Variants in LRRC9 observed in about 807,000 individuals in gnomAD.
LRRC9 encodes leucine-rich repeat-containing protein 9.
Under a neutral mutation model 63.2 loss-of-function variants are expected in LRRC9, and 122 were observed. That is an observed-to-expected ratio of 1.93 (90% CI 1.67 to 2.24). The LOEUF (loss-of-function observed/expected upper bound fraction) is 2.24. Ranked by LOEUF, LRRC9 falls within the 30% of genes most tolerant of loss-of-function variation. The pLI, the probability that LRRC9 is intolerant of heterozygous loss-of-function variation, is 0.00. For synonymous variants in LRRC9, 366 were observed against 213.1 expected, an observed-to-expected ratio of 1.72 and a Z score of -6.25; for missense variants, 1,071 against 627.7, an observed-to-expected ratio of 1.71 and a Z score of -7.55.
At chr14:59,975,096 TATATAC>T (rs1252503336) in intron 13 of LRRC9, among the ~76,000 whole-genome samples, 1 of 23,864 alleles carries the variant, frequency 4.2e-5, no homozygotes, top group African/African-American at 8.0e-5. Flanking sequence ...AGTGTATATA[TATATAC>T]ATATATATAT....
intron 28 of LRRC9, among the ~76,000 whole-genome samples, chr14:60,028,618 A>G (rs1891740029): frequency 1.3e-5 from 2 of 152,122 alleles, no homozygotes; most frequent in South Asian, 4.1e-4. Flanking sequence ...CACTGCCCCA[A>G]CTGAACTGCT....
At chr14:59,928,234 T>C (rs1361749930) in intron 2 of LRRC9, 34 bp from the exon 3 acceptor site, 9 of 566,370 alleles carry the variant, frequency 1.6e-5, no homozygotes, top group Admixed American at 3.5e-5. Flanking sequence ...TTATTTAAAA[T>C]AGGTAATGAC....
intron 8 of LRRC9, among the ~76,000 whole-genome samples, chr14:59,945,146 TAA>T (rs749726140): frequency 7.3e-6 from 1 of 136,786 alleles, no homozygotes. Context: ...TTTAAAGTGC[TAA>T]AAAAAAAAAA....
At chr14:59,924,304 C>T (rs1297893011) in intron 1 of LRRC9, among the ~76,000 whole-genome samples, 2 of 152,126 alleles carry the variant, frequency 1.3e-5, no homozygotes, top group African/African-American at 4.8e-5. Context: ...TCAAATAAAC[C>T]TGGAGAGGTA....
At chr14:60,057,857 C>A in intron 30 of LRRC9, 21 bp from the exon 31 acceptor site, 1 of 629,798 alleles carries the variant, frequency 1.6e-6, no homozygotes, top group South Asian at 1.8e-5. Context: ...ATGTTATTAA[C>A]TGTTTTATTT....
chr14:60,065,995 T>G (rs1312891812), downstream of LRRC9, among the ~76,000 whole-genome samples: 5 of 152,056 alleles, frequency 3.3e-5, no homozygotes, highest in Admixed American at 3.3e-4. Flanking sequence ...TTAAAAAAAT[T>G]TTTGTAGAGA....
At chr14:60,043,437 C>G (rs1230707975) in intron 29 of LRRC9, among the ~76,000 whole-genome samples, 1 of 152,130 alleles carries the variant, frequency 6.6e-6, no homozygotes, top group Admixed American at 6.6e-5. Flanking sequence ...AGGTTTGTCA[C>G]AGTTGGCCTT....
Position 59,964,133 on chromosome 14 carries a change from T to C in LRRC9, c.1212-2456T>C, listed in dbSNP as rs1454168984. Among the ~76,000 whole-genome samples the C allele has an allele frequency of 6.6e-6, 1 of 152,174 alleles. No individual in the cohort carries two copies. On this transcript the variant is annotated intron_variant, in intron 10 of 31. Coordinates refer to ENST00000445360, the Ensembl canonical transcript of LRRC9. The surrounding 1 kb of genome is among the most constrained non-coding windows in gnomAD (Gnocchi z 4.4). Reference sequence around the variant, plus strand: ...TATGATTAGTTTAGAGACCATACAGTGGAGAATATTGAATCCTCTACTGTA... The same window carrying C: ...TATGATTAGTTTAGAGACCATACAGCGGAGAATATTGAATCCTCTACTGTA...
rs1430023289 is a variant in LRRC9 at position 59,981,430 on chromosome 14, T to A, written c.1879-418T>A. The stretch of plus-strand genomic sequence containing the variant: ...CCGTAATTACTGAATTACCTGATAA[T>A]TAAGGTAACTAATTGCTCTTTGTTC... On this transcript the variant is annotated intron_variant, in intron 15 of 31. Transcript: ENST00000445360. 2.6e-5 allele frequency among the ~76,000 whole-genome samples: 4 copies of A among 152,192 alleles called. No homozygotes were observed. In the East Asian group the frequency reaches 7.7e-4, roughly 29 times the overall value.
intron 12 of LRRC9, among the ~76,000 whole-genome samples, chr14:59,967,475 G>A (rs1232097287): frequency 6.6e-6 from 1 of 152,064 alleles, no homozygotes; most frequent in Admixed American, 6.6e-5. Flanking sequence ...TTTTGTTGAT[G>A]GTTTTGAAAT....
chr14:60,008,430 C>A (rs1889989850), intron 23 of LRRC9, among the ~76,000 whole-genome samples: 1 of 152,056 alleles, frequency 6.6e-6, no homozygotes, highest in African/African-American at 2.4e-5. Flanking sequence ...AAAGGGAGGG[C>A]TGTGCTGCTT....
Position 60,060,300 on chromosome 14 carries a change from C to T in LRRC9, c.4276+2278C>T, listed in dbSNP as rs1212252872. Among the ~76,000 whole-genome samples the T allele has an allele frequency of 6.6e-6, 1 of 152,170 alleles. No homozygotes were observed. Among genetic ancestry groups the T allele is most frequent in the Non-Finnish European group, 1.5e-5 (1 of 68,024 alleles). ...GCTCACTGACAATGCACCTAGTCACCTAATAACTCTGATGGAGAAGTACAA... is the reference window on the plus strand; with the variant it reads ...GCTCACTGACAATGCACCTAGTCACTTAATAACTCTGATGGAGAAGTACAA... On this transcript the variant is annotated intron_variant, in intron 31 of 31. Coordinates refer to ENST00000445360, the Ensembl canonical transcript of LRRC9. The surrounding 1 kb of genome is among the most constrained non-coding windows in gnomAD (Gnocchi z 4.0).
intron 17 of LRRC9, 42 bp from the exon 18 acceptor site, chr14:59,997,614 T>G (rs1427404060): frequency 1.6e-6 from 1 of 635,802 alleles, no homozygotes; most frequent in African/African-American, 1.8e-5. Context: ...TAAATACAAA[T>G]TATGATTCTC....
intron 8 of LRRC9, among the ~76,000 whole-genome samples, chr14:59,957,445 A>G (rs1352973153): frequency 2.0e-5 from 3 of 151,990 alleles, no homozygotes; most frequent in East Asian, 1.9e-4. Flanking sequence ...TGTATGCTTC[A>G]TGAAGTTCTT....
At position 59,975,156 on chromosome 14, in the gene LRRC9, T is replaced by C. The variant is rs1307632594; in HGVS notation, c.1639+448T>C. ...ATATATATACATATATATATGTATA[T>C]ATATATATGTATATATATATACACT... On this transcript the variant is annotated intron_variant, in intron 13 of 31. Transcript: ENST00000445360. 6.7e-4 allele frequency among the ~76,000 whole-genome samples: 19 copies of C among 28,318 alleles called. 3 individuals carry two copies. The highest frequency in any genetic ancestry group is 1.2e-3 in the African/African-American group (17 of 14,252). The allele number at this position is 28,318 out of a possible 152,430, so 18.6% of individuals were successfully genotyped here. A position where few individuals can be genotyped will look rare whatever the true frequency, so the allele number is the denominator to read the frequency against.
intron 29 of LRRC9, among the ~76,000 whole-genome samples, chr14:60,045,651 C>T (rs1331172441): frequency 6.6e-6 from 1 of 152,148 alleles, no homozygotes; most frequent in Non-Finnish European, 1.5e-5. Context: ...AAATGTACCA[C>T]ATTTTCTTTA....
Position 60,053,182 on chromosome 14 carries a change from G to C in LRRC9, c.4108G>C (p.Glu1370Gln). 1 of 699,784 alleles carries C rather than the reference G, an allele frequency of 1.4e-6. No individual in the cohort carries two copies. The highest frequency in any genetic ancestry group is 1.5e-5 in the South Asian group (1 of 66,740). The allele number at this position is 699,784 out of a possible 1,614,324, so 43.3% of individuals were successfully genotyped here. A position where few individuals can be genotyped will look rare whatever the true frequency, so the allele number is the denominator to read the frequency against. ...GGCAAAAGCTGAATTTCACCTCGCT[G>C]AACTACAAGCAAAGAAAAACTCGGT... is the stretch of plus-strand genomic sequence containing the variant. The change falls in exon 30 of 32, where the codon GAA (glutamate) becomes CAA (glutamine). Residue 1370 changes from glutamate (E) to glutamine (Q), a missense_variant. Transcript: ENST00000445360. This position sits in a 1 kb window ranked among gnomAD's most constrained non-coding sequence, Gnocchi z 4.8.
intron 22 of LRRC9, among the ~76,000 whole-genome samples, chr14:60,007,242 C>T (rs1418277974): frequency 3.3e-5 from 5 of 152,152 alleles, no homozygotes; most frequent in African/African-American, 1.2e-4. Flanking sequence ...AGACTTCTCC[C>T]CATTCCGTTC....
rs1887509170 is a variant in LRRC9, at chr14:59,986,711, A to G, written c.2211+1487A>G. Among the ~76,000 whole-genome samples, 1 of 152,242 alleles carries G rather than the reference A, an allele frequency of 6.6e-6. No homozygotes were observed. Among genetic ancestry groups the G allele is most frequent in the South Asian group, 2.1e-4 (1 of 4,832 alleles). ...AGACACTTAGATAGAGAGTGAGCTTAGCCAGCTGCCCAGCATTTATTTTGC... is the reference window on the plus strand; with the variant it reads ...AGACACTTAGATAGAGAGTGAGCTTGGCCAGCTGCCCAGCATTTATTTTGC... On this transcript the variant is annotated intron_variant, in intron 17 of 31. Transcript: ENST00000445360. This position sits in a 1 kb window ranked among gnomAD's most constrained non-coding sequence, Gnocchi z 4.7.
Sources: allele counts gnomAD v4.1 joint callset (sites outside exome capture counted in the v4.1 genomes callset), GRCh38; gene constraint gnomAD v4.1.1; non-coding constraint Gnocchi (gnomAD v3.1); transcripts MANE v1.5; gene names NCBI Gene and HGNC (gene_info 2026-07-23, HGNC 2026-07-21).